ST8SIA1: variants seen among roughly 807,000 people sequenced by gnomAD.
The protein encoded by ST8SIA1 is alpha-N-acetylneuraminide alpha-2,8-sialyltransferase.
In ST8SIA1, 16 loss-of-function variants were observed where a neutral mutation model predicts 35.9. The ratio of observed to expected loss-of-function variants is 0.45; its 90% CI spans 0.30 to 0.68. ST8SIA1 has a LOEUF of 0.68. ST8SIA1 is among the 30% of genes least tolerant of loss of function. The pLI is 0.09. For synonymous variants in ST8SIA1, 170 were observed against 169.6 expected (o/e 1.00, Z -0.02); for missense variants, 383 against 453.6 (o/e 0.84, Z 1.41).
At chr12:22,274,679 A>G (rs1256273493) in intron 2 of ST8SIA1, among the ~76,000 whole-genome samples, 1 of 152,222 alleles carries the variant, frequency 6.6e-6, no homozygotes, top group African/African-American at 2.4e-5. Flanking sequence ...TCCACACACC[A>G]TCACACACGC....
chr12:22,334,559 G>T lies in ST8SIA1; in HGVS notation c.-327C>A, dbSNP rs929371579. ...CGGCGGCGGCGAGTCGCTCCCGCCGGTTCTGCAGCATCACGGTCGCCCTCG... is the reference window on the plus strand; with the variant it reads ...CGGCGGCGGCGAGTCGCTCCCGCCGTTTCTGCAGCATCACGGTCGCCCTCG... On this transcript the variant is annotated 5_prime_UTR_variant, in exon 1 of 5. Transcript: ENST00000396037. 2.3e-5 allele frequency: 9 copies of T among 391,058 alleles called. No homozygotes were observed. The highest frequency in any genetic ancestry group is 3.3e-5 in the Non-Finnish European group (7 of 213,032). 24.2% of individuals were successfully genotyped at this position (391,058 alleles called of 1,614,324 possible).
intron 4 of ST8SIA1, among the ~76,000 whole-genome samples, chr12:22,244,529 T>A (rs187814046): frequency 1.3e-5 from 2 of 152,300 alleles, no homozygotes; most frequent in African/African-American, 4.8e-5. Context: ...CAAACATGGC[T>A]CACTGCAGCC....
At chr12:22,309,151 A>G (rs1424354311) in intron 1 of ST8SIA1, among the ~76,000 whole-genome samples, 1 of 152,118 alleles carries the variant, frequency 6.6e-6, no homozygotes, top group Admixed American at 6.5e-5. Flanking sequence ...AGGGGACCCC[A>G]AGATAATCTT....
chr12:22,207,926 C>T (rs903929064), intron 4 of ST8SIA1, among the ~76,000 whole-genome samples: 21 of 151,894 alleles, frequency 1.4e-4, no homozygotes, highest in South Asian at 2.1e-4. Context: ...GGACAGATCA[C>T]GAGGTCAGGA....
intron 4 of ST8SIA1, among the ~76,000 whole-genome samples, chr12:22,237,622 T>C (rs1230607330): frequency 6.6e-6 from 1 of 151,816 alleles, no homozygotes; most frequent in East Asian, 1.9e-4. Context: ...AATATCTTTG[T>C]ATAGTATACC....
chr12:22,286,512 C>T (rs1565586997), intron 2 of ST8SIA1: 1 of 518,730 alleles, frequency 1.9e-6, no homozygotes, highest in East Asian at 5.5e-5. Context: ...CTCCCCTCCC[C>T]AAAACTAGGG....
At chr12:22,220,470 C>A (rs557175065) in intron 4 of ST8SIA1, among the ~76,000 whole-genome samples, 1 of 152,104 alleles carries the variant, frequency 6.6e-6, no homozygotes, top group South Asian at 2.1e-4. Context: ...AATTAACATA[C>A]GGATTTTTGT....
At chr12:22,245,023 C>T (rs1196581658) in intron 4 of ST8SIA1, among the ~76,000 whole-genome samples, 1 of 152,120 alleles carries the variant, frequency 6.6e-6, no homozygotes, top group Non-Finnish European at 1.5e-5. Context: ...ACCAGAGCCA[C>T]ATTGTCTTAA....
chr12:22,323,582 A>T (rs958499371), intron 1 of ST8SIA1, among the ~76,000 whole-genome samples: 1 of 152,240 alleles, frequency 6.6e-6, no homozygotes, highest in Non-Finnish European at 1.5e-5. Flanking sequence ...ACTATTCACA[A>T]TAGCAAAGTC....
intron 1 of ST8SIA1, among the ~76,000 whole-genome samples, chr12:22,320,951 A>G (rs868727547): frequency 5.1e-5 from 4 of 79,116 alleles, no homozygotes; most frequent in African/African-American, 2.3e-4. Context: ...GAAAGAAAGA[A>G]AGAAAGAGAA....
At chr12:22,270,688 AATT>A (rs1197183110) in intron 2 of ST8SIA1, among the ~76,000 whole-genome samples, 2 of 152,218 alleles carry the variant, frequency 1.3e-5, no homozygotes, top group Non-Finnish European at 2.9e-5. Context: ...GATAATGAGA[AATT>A]ATTTAATGAG....
chr12:22,233,453 C>T (rs529728037), intron 4 of ST8SIA1, among the ~76,000 whole-genome samples: 2 of 151,956 alleles, frequency 1.3e-5, no homozygotes, highest in Non-Finnish European at 2.9e-5. Context: ...ATACAGAGTA[C>T]AGAATCATAA....
rs1361339274 is a variant in ST8SIA1 at position 22,194,193 on chromosome 12, A to G, written c.*7359T>C. On this transcript the variant is annotated 3_prime_UTR_variant, in exon 5 of 5. Transcript: ENST00000396037. ...TATATTAATTATAAGGGGAGTGTCT[A>G]TAGTAACCTATCAACACCCAACGGT... 6.6e-6 allele frequency: 1 copy of G among 152,170 alleles called. No individual in the cohort carries two copies. Among genetic ancestry groups the G allele is most frequent in the East Asian group, 1.9e-4 (1 of 5,192 alleles). 9.4% of individuals were successfully genotyped at this position (152,170 alleles called of 1,614,324 possible).
chr12:22,287,192 T>C lies in ST8SIA1; in HGVS notation c.338A>G (p.Tyr113Cys), dbSNP rs1866110744. 6.2e-7 allele frequency: 1 copy of C among 1,613,842 alleles called. No individual in the cohort carries two copies. The highest frequency in any genetic ancestry group is 1.1e-5 in the South Asian group (1 of 91,078). The stretch of plus-strand genomic sequence containing the variant: ...AGTTGAATTGTCAATGGTGAATGAG[T>C]ATAAAAACTCCCCGTCATACCACAT... ...KSMWYDGEFL[Y>C]SFTIDNSTYS... Residue 113 changes from tyrosine to cysteine, a missense_variant, in exon 2 of 5, where the codon TAC becomes TGC. Transcript: ENST00000396037.
intron 1 of ST8SIA1, among the ~76,000 whole-genome samples, chr12:22,328,201 C>T (rs1277713019): frequency 6.6e-6 from 1 of 152,242 alleles, no homozygotes; most frequent in East Asian, 1.9e-4. Flanking sequence ...AGGATGCTTA[C>T]TCCTCTGATC....
chr12:22,231,725 C>T (rs1283672631), intron 4 of ST8SIA1, among the ~76,000 whole-genome samples: 2 of 151,974 alleles, frequency 1.3e-5, no homozygotes, highest in African/African-American at 2.4e-5. Context: ...AGGCACCCAC[C>T]ACCACGCCCG....
intron 4 of ST8SIA1, among the ~76,000 whole-genome samples, chr12:22,225,402 A>G (rs545244960): frequency 6.6e-6 from 1 of 152,210 alleles, no homozygotes; most frequent in South Asian, 2.1e-4. Flanking sequence ...TGTGAGGACC[A>G]ATTGCTCACA....
chr12:22,199,097 C>A lies in ST8SIA1; in HGVS notation c.*2455G>T, dbSNP rs1333780853. The A allele has an allele frequency of 6.6e-6, 1 of 151,982 alleles. No homozygotes were observed. Among genetic ancestry groups the A allele is most frequent in the Admixed American group, 6.6e-5 (1 of 15,264 alleles). 9.4% of individuals were successfully genotyped at this position (151,982 alleles called of 1,614,324 possible). On this transcript the variant is annotated 3_prime_UTR_variant, in exon 5 of 5. Coordinates refer to ENST00000396037, the MANE Select transcript of ST8SIA1 (RefSeq NM_003034.4). ...TTATATATAAATCTACTGCATAAAT[C>A]TATCCCAGGCATCATAAAAAGATGA...
At chr12:22,264,274 T>C (rs1019156567) in intron 2 of ST8SIA1, among the ~76,000 whole-genome samples, 1 of 152,082 alleles carries the variant, frequency 6.6e-6, no homozygotes, top group African/African-American at 2.4e-5. Flanking sequence ...CAGGACCTAA[T>C]TACATTCTAA....
Sources: allele counts gnomAD v4.1 joint callset (sites outside exome capture counted in the v4.1 genomes callset), GRCh38; gene constraint gnomAD v4.1.1; transcripts MANE v1.5; gene names NCBI Gene and HGNC (gene_info 2026-07-23, HGNC 2026-07-21).